Variants in ZDHHC13 observed in about 807,000 individuals in gnomAD.
ZDHHC13 encodes zDHHC palmitoyltransferase 13, also known as palmitoyltransferase ZDHHC13.
In ZDHHC13, 85 loss-of-function variants were observed where a neutral mutation model predicts 86.0. That is an observed-to-expected ratio of 0.99 (90% CI 0.83 to 1.18). The LOEUF (loss-of-function observed/expected upper bound fraction) is 1.18. Among genes scored for constraint, ZDHHC13 ranks in the 50% most tolerant of loss-of-function variants. ZDHHC13 has a pLI of 0.00. For synonymous variants in ZDHHC13, 263 were observed against 246.4 expected (o/e 1.07, Z -0.63); for missense variants, 711 against 730.2 (o/e 0.97, Z 0.30).
intron 1 of ZDHHC13, among the ~76,000 whole-genome samples, chr11:19,136,072 A>G (rs1849129965): frequency 6.6e-6 from 1 of 152,268 alleles, no homozygotes; most frequent in South Asian, 2.1e-4. Flanking sequence ...AGCTGGACAG[A>G]GAATGACTTT....
chr11:19,130,801 T>C (rs907147555), intron 1 of ZDHHC13, among the ~76,000 whole-genome samples: 3 of 152,130 alleles, frequency 2.0e-5, no homozygotes, highest in Non-Finnish European at 4.4e-5. Context: ...TATTCTTATC[T>C]TTGCTGCTTT....
chr11:19,161,085 A>G (rs1182716085), intron 10 of ZDHHC13, among the ~76,000 whole-genome samples: 1 of 151,930 alleles, frequency 6.6e-6, no homozygotes, highest in African/African-American at 2.4e-5. Flanking sequence ...TTCAAACTAA[A>G]TTTTAAATCT....
At position 19,117,248 on chromosome 11, in the gene ZDHHC13, A is replaced by G; in HGVS notation, c.-2A>G. ...CCTCAGCCGCTGTGGGCTCCTGGGG[A>G]GATGGAGGGGCCGGGGCTGGGCTCG... On this transcript the variant is annotated 5_prime_UTR_variant, in exon 1 of 17. Coordinates refer to ENST00000446113, the MANE Select transcript of ZDHHC13 (RefSeq NM_019028.3). This position sits in a 1 kb window ranked among gnomAD's most constrained non-coding sequence, Gnocchi z 4.2. 2 of 1,509,078 alleles carry G rather than the reference A, an allele frequency of 1.3e-6. No individual in the cohort carries two copies. Among genetic ancestry groups the G allele is most frequent in the Non-Finnish European group, 1.8e-6 (2 of 1,129,752 alleles). The allele number at this position is 1,509,078 out of a possible 1,614,324, so 93.5% of individuals were successfully genotyped here. A position where few individuals can be genotyped will look rare whatever the true frequency, so the allele number is the denominator to read the frequency against.
chr11:19,172,255 T>C (rs1217155185), intron 15 of ZDHHC13, among the ~76,000 whole-genome samples: 1 of 152,072 alleles, frequency 6.6e-6, no homozygotes, highest in Non-Finnish European at 1.5e-5. Flanking sequence ...GTATTTTTAG[T>C]GGAGACGGGG....
intron 1 of ZDHHC13, among the ~76,000 whole-genome samples, chr11:19,119,155 G>C (rs1388747121): frequency 6.6e-5 from 10 of 151,986 alleles, no homozygotes; most frequent in Admixed American, 6.5e-4. Flanking sequence ...TCTGTTGCCA[G>C]GCTGGAGTGC....
At chr11:19,138,969 C>T (rs1590068920) in intron 1 of ZDHHC13, among the ~76,000 whole-genome samples, 1 of 151,940 alleles carries the variant, frequency 6.6e-6, no homozygotes, top group East Asian at 1.9e-4. Context: ...ACTGAATGGG[C>T]AAAAACTGGA....
intron 1 of ZDHHC13, among the ~76,000 whole-genome samples, chr11:19,124,407 T>G (rs1046858835): frequency 7.2e-5 from 11 of 152,232 alleles, no homozygotes; most frequent in African/African-American, 2.4e-4. Context: ...GGTGGTACAG[T>G]ATTGAAGAGG....
intron 1 of ZDHHC13, among the ~76,000 whole-genome samples, chr11:19,120,282 C>G (rs752306252): frequency 7.2e-5 from 11 of 152,200 alleles, no homozygotes; most frequent in Non-Finnish European, 1.3e-4. Context: ...TCTAGAGCCT[C>G]AGCTGCAAAG....
chr11:19,136,962 A>T (rs555293438), intron 1 of ZDHHC13, among the ~76,000 whole-genome samples: 5 of 152,206 alleles, frequency 3.3e-5, no homozygotes, highest in African/African-American at 4.8e-5. Flanking sequence ...CTGCAAAATC[A>T]TGCCAAAATG....
At chr11:19,127,709 C>A (rs1365803360) in intron 1 of ZDHHC13, among the ~76,000 whole-genome samples, 2 of 152,180 alleles carry the variant, frequency 1.3e-5, no homozygotes, top group Admixed American at 6.5e-5. Context: ...AATAAGGAGG[C>A]TTTTCCCCAT....
upstream of ZDHHC13, chr11:19,117,108 C>A: frequency 1.1e-6 from 1 of 889,992 alleles, no homozygotes; most frequent in Non-Finnish European, 1.7e-6. This position sits in a 1 kb window ranked among gnomAD's most constrained non-coding sequence, Gnocchi z 4.2. Flanking sequence ...CGATTGACGG[C>A]TCAGGGCACG....
chr11:19,139,733 C>G lies in ZDHHC13; in HGVS notation c.28-3245C>G, dbSNP rs1176106242. Among the ~76,000 whole-genome samples, 647 of 145,610 alleles carry G rather than the reference C, an allele frequency of 4.4e-3. 3 individuals are homozygous for G. Among genetic ancestry groups the G allele is most frequent in the African/African-American group, 0.016 (616 of 39,196 alleles). ...AAAACAGAGATATAGATCAATGGAA[C>G]AGAACAGAGCCCTCAGAAATAACGC... is the stretch of plus-strand genomic sequence containing the variant. On this transcript the variant is annotated intron_variant, in intron 1 of 16. Transcript: ENST00000446113.
chr11:19,147,434 A>G (rs938893156), intron 3 of ZDHHC13, among the ~76,000 whole-genome samples, 162 bp from the exon 4 acceptor site: 3 of 152,178 alleles, frequency 2.0e-5, no homozygotes, highest in Admixed American at 2.0e-4. Flanking sequence ...TGATTCTGCC[A>G]TGTGAACCTT....
At chr11:19,141,703 C>A (rs115426419) in intron 1 of ZDHHC13, among the ~76,000 whole-genome samples, 1 of 142,264 alleles carries the variant, frequency 7.0e-6, no homozygotes, top group Non-Finnish European at 1.5e-5. Context: ...CATTAGCGAA[C>A]CCCGTATTGG....
chr11:19,157,012 T>G (rs1381334807), intron 9 of ZDHHC13, among the ~76,000 whole-genome samples: 1 of 152,266 alleles, frequency 6.6e-6, no homozygotes, highest in Non-Finnish European at 1.5e-5. Context: ...TGTACCTTCT[T>G]TCTCACACAT....
intron 1 of ZDHHC13, among the ~76,000 whole-genome samples, chr11:19,137,323 C>T (rs2133386288): frequency 6.6e-6 from 1 of 152,092 alleles, no homozygotes; most frequent in East Asian, 1.9e-4. Context: ...ACAAAGAAGG[C>T]CATTACATAA....
At position 19,176,007 on chromosome 11, in the gene ZDHHC13, C is replaced by A; in HGVS notation, c.*47C>A. On this transcript the variant is annotated 3_prime_UTR_variant, in exon 17 of 17. Coordinates refer to ENST00000446113, the MANE Select transcript of ZDHHC13 (RefSeq NM_019028.3). ...CAATCTGATTTGTTTTTGTTTATGT[C>A]GATGCCCTGTAGTTTGAAAGTGAAG... 2 of 1,560,458 alleles carry A rather than the reference C, an allele frequency of 1.3e-6. No homozygotes were observed. The highest frequency in any genetic ancestry group is 2.5e-5 in the South Asian group (2 of 80,650).
chr11:19,169,544 A>G (rs1446807005), intron 14 of ZDHHC13: 10 of 985,352 alleles, frequency 1.0e-5, no homozygotes, highest in Non-Finnish European at 1.2e-5. Flanking sequence ...TGTTTATCAA[A>G]TTGTCAGAGG....
intron 5 of ZDHHC13, 126 bp from the exon 6 acceptor site, chr11:19,150,598 AATG>A (rs1230423124): frequency 1.4e-6 from 1 of 715,266 alleles, no homozygotes; most frequent in Non-Finnish European, 2.2e-6. Flanking sequence ...CTTTTTATCA[AATG>A]ATATTTGAGC....
Sources: allele counts gnomAD v4.1 joint callset (sites outside exome capture counted in the v4.1 genomes callset), GRCh38; gene constraint gnomAD v4.1.1; non-coding constraint Gnocchi (gnomAD v3.1); transcripts MANE v1.5; gene names NCBI Gene and HGNC (gene_info 2026-07-23, HGNC 2026-07-21).